SCAND3: variants seen among roughly 807,000 people sequenced by gnomAD.
SCAND3 encodes the protein SCAN domain containing 3, also known as SCAN domain-containing protein 3.
At chr6:28,581,261 C>A in the SCAND3 span, among the ~76,000 whole-genome samples, 1 of 152,056 alleles carries the variant, frequency 6.6e-6, no homozygotes, top group South Asian at 2.1e-4. Context: ...TTGCTTGAGC[C>A]TGGGAGGTGG....
the SCAND3 span, among the ~76,000 whole-genome samples, chr6:28,602,430 A>C: frequency 6.6e-6 from 1 of 151,980 alleles, no homozygotes; most frequent in South Asian, 2.1e-4. Flanking sequence ...CTGGTCTCAA[A>C]CTCCTGAGTT....
chr6:28,612,221 G>A, the SCAND3 span, among the ~76,000 whole-genome samples: 1 of 151,834 alleles, frequency 6.6e-6, no homozygotes, highest in Non-Finnish European at 1.5e-5. Context: ...TTTATTTTTA[G>A]TAGAGGCGGG....
chr6:28,583,573 A>G, the SCAND3 span, among the ~76,000 whole-genome samples: 22 of 152,316 alleles, frequency 1.4e-4, no homozygotes, highest in African/African-American at 4.8e-4. Flanking sequence ...ACTGGCTTAT[A>G]AAAAGATACC....
the SCAND3 span, chr6:28,590,503 T>TG: frequency 6.6e-6 from 1 of 152,064 alleles, no homozygotes; most frequent in Admixed American, 6.5e-5. Context: ...TAGAATGAGG[T>TG]GGGAAATGTG....
the SCAND3 span, among the ~76,000 whole-genome samples, chr6:28,615,108 G>T: frequency 6.6e-6 from 1 of 152,130 alleles, no homozygotes; most frequent in Non-Finnish European, 1.5e-5. Context: ...TTGCCTCACC[G>T]TAAGCACACT....
At chr6:28,573,052 A>G in the SCAND3 span, 1 of 1,611,554 alleles carries the variant, frequency 6.2e-7, no homozygotes, top group Non-Finnish European at 8.5e-7. Context: ...AGCTTCATAC[A>G]GTTCTGAGCT....
chr6:28,591,617 CT>C, the SCAND3 span: 1 of 152,182 alleles, frequency 6.6e-6, no homozygotes, highest in Non-Finnish European at 1.5e-5. Context: ...TAGTCACTTT[CT>C]ATCAAATGGT....
At chr6:28,579,834 G>A in the SCAND3 span, among the ~76,000 whole-genome samples, 1 of 152,108 alleles carries the variant, frequency 6.6e-6, no homozygotes, top group Non-Finnish European at 1.5e-5. The surrounding 1 kb of genome is among the most constrained non-coding windows in gnomAD (Gnocchi z 4.5). Context: ...ATCACCTGAG[G>A]TCAGGAGTTC....
At chr6:28,580,252 G>A in the SCAND3 span, among the ~76,000 whole-genome samples, 9,464 of 151,958 alleles carry the variant, frequency 0.062, 340 homozygotes, top group African/African-American at 0.077. Flanking sequence ...TAACGAGTTC[G>A]GGACCAACTT....
At chr6:28,589,440 C>T in the SCAND3 span, 1 of 152,130 alleles carries the variant, frequency 6.6e-6, no homozygotes, top group Non-Finnish European at 1.5e-5. Context: ...GTTCGAATCT[C>T]GGTGGGACCT....
the SCAND3 span, chr6:28,574,907 A>G: frequency 6.2e-7 from 1 of 1,613,994 alleles, no homozygotes; most frequent in Non-Finnish European, 8.5e-7. Context: ...CAGGATAAAA[A>G]TCTTAGTCTG....
At chr6:28,597,768 G>T in the SCAND3 span, 1 of 152,196 alleles carries the variant, frequency 6.6e-6, no homozygotes, top group Non-Finnish European at 1.5e-5. Context: ...GGAGGGACCG[G>T]ATTATTCCTT....
the SCAND3 span, among the ~76,000 whole-genome samples, chr6:28,605,123 A>T: frequency 1.3e-5 from 2 of 152,152 alleles, no homozygotes; most frequent in Non-Finnish European, 2.9e-5. Context: ...ACTTCAGGTT[A>T]AACCCACTCC....
the SCAND3 span, chr6:28,586,192 C>A: frequency 5.7e-6 from 5 of 877,126 alleles, no homozygotes; most frequent in Non-Finnish European, 8.9e-6. The surrounding 1 kb of genome is among the most constrained non-coding windows in gnomAD (Gnocchi z 4.4). Context: ...AGAAATAATG[C>A]CCCAAACCAG....
the SCAND3 span, among the ~76,000 whole-genome samples, chr6:28,608,069 C>T: frequency 6.6e-6 from 1 of 152,094 alleles, no homozygotes; most frequent in African/African-American, 2.4e-5. Flanking sequence ...GTAAACACTG[C>T]GTTCAAGGAG....
chr6:28,594,516 A>C, the SCAND3 span, among the ~76,000 whole-genome samples: 9 of 152,346 alleles, frequency 5.9e-5, no homozygotes, highest in African/African-American at 2.2e-4. Flanking sequence ...TTAACTGGGC[A>C]TGATGGCACA....
chr6:28,572,663 T>C, the SCAND3 span: 1 of 1,614,066 alleles, frequency 6.2e-7, no homozygotes. The surrounding 1 kb of genome is among the most constrained non-coding windows in gnomAD (Gnocchi z 4.1). Context: ...AAGAGTTCAT[T>C]TCGTATTTCA....
At chr6:28,606,869 G>T in the SCAND3 span, among the ~76,000 whole-genome samples, 1 of 152,210 alleles carries the variant, frequency 6.6e-6, no homozygotes, top group East Asian at 1.9e-4. Flanking sequence ...GTAGGTCTCA[G>T]CTGGTACCCT....
the SCAND3 span, among the ~76,000 whole-genome samples, chr6:28,610,264 G>A: frequency 6.6e-6 from 1 of 152,146 alleles, no homozygotes; most frequent in Non-Finnish European, 1.5e-5. Context: ...GCTCACGCCT[G>A]TAATCCCTGC....
Sources: allele counts gnomAD v4.1 joint callset (sites outside exome capture counted in the v4.1 genomes callset), GRCh38; gene constraint gnomAD v4.1.1; non-coding constraint Gnocchi (gnomAD v3.1); transcripts MANE v1.5; gene names NCBI Gene and HGNC (gene_info 2026-07-23, HGNC 2026-07-21).